The following PLOD2 variants were observed in gnomAD, a reference collection of about 807,000 sequenced individuals.
PLOD2 encodes the protein lysine hydroxylase 2.
A neutral mutation model predicts 101.0 loss-of-function variants in PLOD2; 65 were observed. That is an observed-to-expected ratio of 0.64 (90% CI 0.53 to 0.79). The LOEUF is 0.79. PLOD2 is among the 30% of genes least tolerant of loss of function. The probability of loss-of-function intolerance (pLI) is 0.00; values close to 1 mark genes in which losing one functional copy is unlikely to be tolerated. For synonymous variants in PLOD2, 314 were observed against 302.9 expected (o/e 1.04, Z -0.38); for missense variants, 909 against 914.6 (o/e 0.99, Z 0.08).
intron 1 of PLOD2, among the ~76,000 whole-genome samples, chr3:146,135,309 T>A (rs529760388): frequency 1.3e-5 from 2 of 152,196 alleles, no homozygotes; most frequent in Non-Finnish European, 2.9e-5. Flanking sequence ...AAATTGAATC[T>A]GTATATTATG....
At chr3:146,084,992 G>A (rs759887711) in intron 11 of PLOD2, among the ~76,000 whole-genome samples, 177 bp downstream of exon 11, 3 of 151,980 alleles carry the variant, frequency 2.0e-5, no homozygotes, top group Non-Finnish European at 4.4e-5. Flanking sequence ...ATGTATTCAG[G>A]TTGTTTTCTA....
intron 2 of PLOD2, among the ~76,000 whole-genome samples, chr3:146,121,712 C>A: frequency 6.6e-6 from 1 of 151,944 alleles, no homozygotes. Flanking sequence ...TTGCAGAGGG[C>A]ATCAAGAAAA....
At chr3:146,150,659 T>C (rs372692367) in intron 1 of PLOD2, among the ~76,000 whole-genome samples, 2 of 152,088 alleles carry the variant, frequency 1.3e-5, no homozygotes, top group Non-Finnish European at 2.9e-5. Context: ...AAATAGTCTG[T>C]ACAACAAACT....
intron 10 of PLOD2, 169 bp downstream of exon 10, chr3:146,086,618 T>A: frequency 2.4e-6 from 1 of 413,260 alleles, no homozygotes; most frequent in Non-Finnish European, 4.3e-6. Context: ...CAGCCCTTTA[T>A]GTATAAATAC....
At position 146,144,582 on chromosome 3, in the gene PLOD2, T is replaced by C. The variant is rs191110669; in HGVS notation, c.109+16299A>G. On this transcript the variant is annotated intron_variant, in intron 1 of 19. Transcript: ENST00000282903. ...AATGGAAACCAAAACTTATTTTCAA[T>C]AATACCCTTACAATATTATTTTTGT... Among the ~76,000 whole-genome samples the C allele has an allele frequency of 2.4e-3, 358 of 152,210 alleles. 2 individuals carry two copies. The highest frequency in any genetic ancestry group is 8.3e-3 in the African/African-American group (343 of 41,562).
At chr3:146,142,581 T>C (rs779893287) in intron 1 of PLOD2, among the ~76,000 whole-genome samples, 1 of 152,086 alleles carries the variant, frequency 6.6e-6, no homozygotes, top group Non-Finnish European at 1.5e-5. Context: ...CTGAAACCTT[T>C]CATATTACAA....
At chr3:146,157,909 C>T (rs972849869) in intron 1 of PLOD2, among the ~76,000 whole-genome samples, 5 of 152,224 alleles carry the variant, frequency 3.3e-5, no homozygotes, top group African/African-American at 1.2e-4. Context: ...TAGATAGGGA[C>T]AAACCTTTCC....
intron 1 of PLOD2, among the ~76,000 whole-genome samples, chr3:146,152,646 C>A (rs903876342): frequency 6.6e-6 from 1 of 152,090 alleles, no homozygotes; most frequent in Non-Finnish European, 1.5e-5. Context: ...GAGAAAGAAA[C>A]GCTGGACAAG....
At chr3:146,102,403 G>A (rs543646633) in intron 7 of PLOD2, among the ~76,000 whole-genome samples, 5 of 152,160 alleles carry the variant, frequency 3.3e-5, no homozygotes, top group East Asian at 1.9e-4. Flanking sequence ...CTTAGAAAAC[G>A]GCAAGTCAGG....
intron 8 of PLOD2, 181 bp from the exon 9 acceptor site, chr3:146,088,892 C>A: frequency 3.5e-6 from 2 of 576,230 alleles, no homozygotes; most frequent in Non-Finnish European, 6.2e-6. Context: ...TGTGGCCCCC[C>A]CAATCAAAGT....
chr3:146,118,977 C>A (rs182684511), intron 3 of PLOD2, among the ~76,000 whole-genome samples: 1 of 152,246 alleles, frequency 6.6e-6, no homozygotes, highest in African/African-American at 2.4e-5. Context: ...AATTCATCAT[C>A]TTTAATTACA....
chr3:146,085,310 A>T, intron 10 of PLOD2, 37 bp from the exon 11 acceptor site: 1 of 976,458 alleles, frequency 1.0e-6, no homozygotes, highest in Non-Finnish European at 1.7e-6. Flanking sequence ...GGCATGACAT[A>T]AAATAAATAT....
intron 1 of PLOD2, among the ~76,000 whole-genome samples, chr3:146,141,727 T>C (rs1276288902): frequency 6.6e-6 from 1 of 152,056 alleles, no homozygotes; most frequent in Non-Finnish European, 1.5e-5. Flanking sequence ...TCAATAAACA[T>C]TTTTGGAAAA....
intron 1 of PLOD2, among the ~76,000 whole-genome samples, chr3:146,127,963 A>C (rs574282571): frequency 6.6e-6 from 1 of 152,308 alleles, no homozygotes; most frequent in South Asian, 2.1e-4. Context: ...GAAAGTTATC[A>C]AATAACTAAA....
At position 146,079,166 on chromosome 3, in the gene PLOD2, G is replaced by A. The variant is rs774012315; in HGVS notation, c.1450C>T (p.Arg484Cys). ...GCCATATCAGGATCCAGTTTATCAC[G>A]AACAAAATAGTTCCTTTCATTCATC... ...SEMNERNYFV[R>C]DKLDPDMALC... The change falls in exon 13 of 20, where the codon CGT (arginine) becomes TGT (cysteine). Residue 484 changes from arginine (R) to cysteine (C), a missense_variant. Physicochemically the swap from Arg to Cys is radical, Grantham distance 180. Coordinates refer to ENST00000282903, the MANE Select transcript of PLOD2 (RefSeq NM_182943.3). The A allele has an allele frequency of 6.8e-6, 11 of 1,612,304 alleles. No individual in the cohort carries two copies. Among genetic ancestry groups the A allele is most frequent in the Middle Eastern group, 1.6e-4 (1 of 6,080 alleles).
At chr3:146,094,326 A>T (rs564591430) in intron 7 of PLOD2, among the ~76,000 whole-genome samples, 1 of 152,340 alleles carries the variant, frequency 6.6e-6, no homozygotes, top group South Asian at 2.1e-4. Flanking sequence ...TTTTTATTAC[A>T]AATCAAATTA....
Position 146,110,313 on chromosome 3 carries a change from G to A in PLOD2, c.474C>T (p.His158=). Residue 158 remains histidine (H), a synonymous_variant, in exon 4 of 20, where the codon CAC becomes CAT. Coordinates refer to ENST00000282903, the MANE Select transcript of PLOD2 (RefSeq NM_182943.3). ...CTGAATTCAGATAGCGTTTCCCAAT[G>A]TGCACAACAGGATACTTGTCTGCTA... ...KRLADKYPVV[H]IGKRYLNSGG... 6.2e-7 allele frequency: 1 copy of A among 1,613,756 alleles called. No homozygotes were observed. The highest frequency in any genetic ancestry group is 8.5e-7 in the Non-Finnish European group (1 of 1,179,796).
chr3:146,073,515 G>A lies in PLOD2; in HGVS notation c.1678-163C>T, dbSNP rs1039273047. On this transcript the variant is annotated intron_variant, in intron 15 of 19. Coordinates refer to ENST00000282903, the MANE Select transcript of PLOD2 (RefSeq NM_182943.3). ...CAGTATATAGCCTAATCTTTGCCTG[G>A]TTCTGAATATGCTTATGTCATTCTA... is the stretch of plus-strand genomic sequence containing the variant. 2.0e-5 allele frequency: 7 copies of A among 344,876 alleles called. No individual in the cohort carries two copies. In the Admixed American group the frequency reaches 2.9e-4, roughly 14 times the overall value. 21.4% of individuals were successfully genotyped at this position (344,876 alleles called of 1,614,324 possible). A position where few individuals can be genotyped will look rare whatever the true frequency, so the allele number is the denominator to read the frequency against.
chr3:146,100,133 A>C (rs553928076), intron 7 of PLOD2, among the ~76,000 whole-genome samples: 1 of 152,152 alleles, frequency 6.6e-6, no homozygotes, highest in East Asian at 1.9e-4. Flanking sequence ...CACCCACCTA[A>C]GCCTTGCAAA....
Sources: allele counts gnomAD v4.1 joint callset (sites outside exome capture counted in the v4.1 genomes callset), GRCh38; gene constraint gnomAD v4.1.1; transcripts MANE v1.5; gene names NCBI Gene and HGNC (gene_info 2026-07-23, HGNC 2026-07-21).